The following BCAR1 variants were observed in gnomAD, a reference collection of about 807,000 sequenced individuals.
The protein encoded by BCAR1 is breast cancer anti-estrogen resistance protein 1.
In BCAR1, 30 loss-of-function variants were observed where a neutral mutation model predicts 67.6. That is an observed-to-expected ratio of 0.44 (90% confidence interval 0.33 to 0.60). The LOEUF (loss-of-function observed/expected upper bound fraction) is 0.60. Ranked by LOEUF, BCAR1 falls within the 20% of genes least tolerant of loss-of-function variation. The pLI is 0.02. For synonymous variants in BCAR1, 626 were observed against 556.7 expected, an observed-to-expected ratio of 1.12 and a Z score of -1.75; for missense variants, 1,313 against 1,222.3, an observed-to-expected ratio of 1.07 and a Z score of -1.11.
At chr16:75,250,335 T>G (rs1461759423) in intron 1 of BCAR1, among the ~76,000 whole-genome samples, 1 of 150,840 alleles carries the variant, frequency 6.6e-6, no homozygotes, top group Non-Finnish European at 1.5e-5. Flanking sequence ...CGACACCTGC[T>G]CTCACAGGCC....
intron 1 of BCAR1, chr16:75,248,263 C>G: frequency 1.4e-6 from 2 of 1,466,930 alleles, no homozygotes; most frequent in Non-Finnish European, 9.0e-7. Context: ...GTCCACGCCC[C>G]CAACGCACAC....
At chr16:75,262,683 ACACCACTGCCTGG>A (rs756442570) in intron 1 of BCAR1, among the ~76,000 whole-genome samples, 46 of 152,120 alleles carry the variant, frequency 3.0e-4, no homozygotes, top group Admixed American at 2.2e-3. Flanking sequence ...TCCCCCACTC[ACACCACTGCCTGG>A]CACAGAGCCA....
chr16:75,250,531 C>T, intron 1 of BCAR1: 1 of 668,590 alleles, frequency 1.5e-6, no homozygotes, highest in Non-Finnish European at 1.8e-6. Context: ...ACCAGGGACT[C>T]TCAGGAGGGA....
intron 5 of BCAR1, among the ~76,000 whole-genome samples, chr16:75,234,157 G>GTAGACA (rs2077008716): frequency 8.9e-6 from 1 of 111,768 alleles, no homozygotes; most frequent in African/African-American, 4.0e-5. Flanking sequence ...GCAGGGGCAG[G>GTAGACA]CAGACAGACA....
At chr16:75,263,798 G>A (rs868166994) in intron 1 of BCAR1, 1 of 987,738 alleles carries the variant, frequency 1.0e-6, no homozygotes, top group Non-Finnish European at 1.2e-6. Flanking sequence ...CCAAGGGCAG[G>A]GCTTGAGCAG....
At chr16:75,230,499 A>G (rs932338616) in intron 6 of BCAR1, among the ~76,000 whole-genome samples, 2 of 152,224 alleles carry the variant, frequency 1.3e-5, no homozygotes, top group African/African-American at 4.8e-5. Flanking sequence ...CACATTATAA[A>G]AAGATTCAAA....
chr16:75,236,470 C>G lies in BCAR1; in HGVS notation c.912+412G>C, dbSNP rs1311788664. ...AGCACCACCACCACGTGTGAACTTT[C>G]TACTCTGCAGCAGGTGTGCGACTGA... On this transcript the variant is annotated intron_variant, in intron 4 of 6. Coordinates refer to ENST00000162330, the MANE Select transcript of BCAR1 (RefSeq NM_014567.5). 3.0e-5 allele frequency: 10 copies of G among 336,528 alleles called. No homozygotes were observed. The South Asian group carries it at 5.0e-4, about 17-fold the overall frequency. 20.8% of individuals were successfully genotyped at this position (336,528 alleles called of 1,614,324 possible).
intron 5 of BCAR1, among the ~76,000 whole-genome samples, chr16:75,234,355 G>C (rs989033830): frequency 1.3e-5 from 2 of 152,162 alleles, no homozygotes; most frequent in Admixed American, 6.5e-5. Flanking sequence ...GGTACCCGCA[G>C]AAAGTCCGCA....
intron 1 of BCAR1, among the ~76,000 whole-genome samples, chr16:75,259,478 G>C (rs2077849987): frequency 6.6e-6 from 1 of 151,974 alleles, no homozygotes; most frequent in Non-Finnish European, 1.5e-5. Flanking sequence ...GCACACTAAA[G>C]GTAGAGACAG....
chr16:75,258,993 G>A (rs1325204732), intron 1 of BCAR1, among the ~76,000 whole-genome samples: 1 of 152,246 alleles, frequency 6.6e-6, no homozygotes, highest in African/African-American at 2.4e-5. Flanking sequence ...GGTAGCTTCT[G>A]CTGCATCCTC....
Position 75,235,189 on chromosome 16 carries a change from T to C in BCAR1, c.1710A>G (p.Gly570=), listed in dbSNP as rs1270300870. Residue 570 remains glycine (G), a synonymous_variant, in exon 5 of 7, where the codon GGA becomes GGG. Coordinates refer to ENST00000162330, the MANE Select transcript of BCAR1 (RefSeq NM_014567.5). ...QALDAGRGGS[G]ATLEDLDRLV... is the part of the protein sequence containing the mutation. ...GCCGGTCCAGGTCCTCAAGGGTGGC[T>C]CCAGAGCCTCCCCGGCCAGCGTCGA... The C allele has an allele frequency of 1.9e-6, 3 of 1,608,250 alleles. No homozygotes were observed. The highest frequency in any genetic ancestry group is 2.7e-5 in the African/African-American group (2 of 74,876).
intron 1 of BCAR1, chr16:75,248,032 C>T (rs1008966562): frequency 5.7e-6 from 8 of 1,413,136 alleles, no homozygotes; most frequent in Non-Finnish European, 7.9e-6. Context: ...ACCCTCAAAA[C>T]AACCCCATAA....
chr16:75,253,836 C>T (rs946473720), upstream of BCAR1, among the ~76,000 whole-genome samples: 8 of 152,214 alleles, frequency 5.3e-5, no homozygotes, highest in African/African-American at 1.7e-4. Context: ...CCCGGACCTC[C>T]GCTGTCAAGG....
At chr16:75,244,533 C>T (rs1327993024) in intron 1 of BCAR1, among the ~76,000 whole-genome samples, 2 of 152,258 alleles carry the variant, frequency 1.3e-5, no homozygotes, top group Admixed American at 6.5e-5. Flanking sequence ...TACCAGGCAG[C>T]GGCCTGGGTA....
At chr16:75,264,437 G>A in intron 1 of BCAR1, 1 of 1,520,076 alleles carries the variant, frequency 6.6e-7, no homozygotes, top group Non-Finnish European at 8.8e-7. Flanking sequence ...TGAGGCCCTG[G>A]GCCAGAGAAG....
chr16:75,266,651 T>G lies in BCAR1; in HGVS notation c.66+1264A>C, dbSNP rs2078013246. 2.5e-6 allele frequency: 3 copies of G among 1,179,548 alleles called. No individual in the cohort carries two copies. The South Asian group carries it at 9.2e-5, about 36-fold the overall frequency. 73.1% of individuals were successfully genotyped at this position (1,179,548 alleles called of 1,614,324 possible). ...ATGTTCGTCCCCATCGCTCCACTCC[T>G]GCCAGGCAGGCCTTGCTGATGCCCC... On this transcript the variant is annotated intron_variant, in intron 1 of 6. Coordinates refer to the BCAR1 transcript ENST00000393422.
At chr16:75,241,367 T>A (rs956609388) in intron 2 of BCAR1, among the ~76,000 whole-genome samples, 1 of 152,136 alleles carries the variant, frequency 6.6e-6, no homozygotes, top group African/African-American at 2.4e-5. Context: ...GGTACAGGCA[T>A]CATGCACGTG....
rs868652506 is a variant in BCAR1 at position 75,234,121 on chromosome 16, G to A, written c.2011-186C>T. On this transcript the variant is annotated intron_variant, in intron 5 of 6. Coordinates refer to ENST00000162330, the MANE Select transcript of BCAR1 (RefSeq NM_014567.5). ...GACACACACACACACACAAGCACACGTGAACACACACACAGACTGGCACGT... is the reference window on the plus strand; with the variant it reads ...GACACACACACACACACAAGCACACATGAACACACACACAGACTGGCACGT... Among the ~76,000 whole-genome samples the A allele has an allele frequency of 9.4e-5, 14 of 148,868 alleles. No individual in the cohort carries two copies. In the South Asian group the frequency reaches 1.7e-3, roughly 18 times the overall value.
chr16:75,251,210 C>G (rs1346543138), intron 1 of BCAR1, among the ~76,000 whole-genome samples: 1 of 152,018 alleles, frequency 6.6e-6, no homozygotes, highest in Non-Finnish European at 1.5e-5. Flanking sequence ...AGCCACTTTC[C>G]CGACACAGGA....
Sources: allele counts gnomAD v4.1 joint callset (sites outside exome capture counted in the v4.1 genomes callset), GRCh38; gene constraint gnomAD v4.1.1; transcripts MANE v1.5; gene names NCBI Gene and HGNC (gene_info 2026-07-23, HGNC 2026-07-21).